CAMLG: variants seen among roughly 807,000 people sequenced by gnomAD.
CAMLG encodes the protein guided entry of tail-anchored proteins factor CAMLG.
Under a neutral mutation model 28.9 loss-of-function variants are expected in CAMLG, and 23 were observed. That is an observed-to-expected ratio of 0.80 (90% CI 0.57 to 1.13). CAMLG has a LOEUF of 1.13. Among genes scored for constraint, CAMLG ranks in the 50% most tolerant of loss-of-function variants. The pLI, the probability that CAMLG is intolerant of heterozygous loss-of-function variation, is 0.00. For missense variants in CAMLG, 367 were observed against 371.9 expected, an observed-to-expected ratio of 0.99 and a Z score of 0.11; for synonymous variants, 141 against 146.5, an observed-to-expected ratio of 0.96 and a Z score of 0.27.
At chr5:134,738,843 A>G in intron 1 of CAMLG, 51 bp downstream of exon 1, 1 of 1,578,250 alleles carries the variant, frequency 6.3e-7, no homozygotes, top group Non-Finnish European at 8.7e-7. Flanking sequence ...TTGAATCTTC[A>G]GGGTCATTCT....
intron 3 of CAMLG, among the ~76,000 whole-genome samples, 193 bp downstream of exon 3, chr5:134,744,245 C>T (rs1203272181): frequency 3.3e-5 from 5 of 152,022 alleles, no homozygotes; most frequent in African/African-American, 4.8e-5. Flanking sequence ...AGTAATTGGC[C>T]GGGCGCAGTG....
intron 2 of CAMLG, 41 bp downstream of exon 2, chr5:134,741,564 A>G: frequency 1.6e-6 from 2 of 1,277,914 alleles, no homozygotes; most frequent in Non-Finnish European, 2.2e-6. Flanking sequence ...CTTAATGGAA[A>G]ATGCAAAATG....
rs780939456 is a variant in CAMLG at position 134,738,553 on chromosome 5, G to T, written c.-68G>T. On this transcript the variant is annotated 5_prime_UTR_variant, in exon 1 of 4. Transcript: ENST00000297156. Reference sequence around the variant, plus strand: ...CGCGCGCCCTGCGGCCCGGCCTCTAGTCATCGCCCTCGCAGCGGCGGCCAA... The same window carrying T: ...CGCGCGCCCTGCGGCCCGGCCTCTATTCATCGCCCTCGCAGCGGCGGCCAA... The T allele has an allele frequency of 3.7e-6, 5 of 1,360,870 alleles. No homozygotes were observed. The East Asian group carries it at 1.2e-4, about 34-fold the overall frequency. 84.3% of individuals were successfully genotyped at this position (1,360,870 alleles called of 1,614,324 possible).
intron 3 of CAMLG, among the ~76,000 whole-genome samples, chr5:134,748,220 C>G (rs1360675975): frequency 6.6e-6 from 1 of 151,988 alleles, no homozygotes; most frequent in Admixed American, 6.6e-5. Flanking sequence ...TGTGAGCCAC[C>G]GCACCTGGCT....
chr5:134,750,822 G>C lies in CAMLG; in HGVS notation c.763G>C (p.Glu255Gln). ...AALLLSGIPA[E>Q]VINRSMDTYS... is the part of the protein sequence containing the mutation. ...ACTTCTATTGTCGGGAATTCCTGCC[G>C]AAGTGATAAATCGATCAATGGATAC... Residue 255 changes from glutamate (E) to glutamine (Q), a missense_variant, in exon 4 of 4, where the codon GAA becomes CAA. Glu to Gln is a conservative substitution (Grantham distance 29, BLOSUM62 2). Coordinates refer to ENST00000297156, the MANE Select transcript of CAMLG (RefSeq NM_001745.4). 1 of 1,613,836 alleles carries C rather than the reference G, an allele frequency of 6.2e-7. No homozygotes were observed.
intron 3 of CAMLG, among the ~76,000 whole-genome samples, chr5:134,744,509 AGAGT>A (rs1372620973): frequency 6.8e-6 from 1 of 147,554 alleles, no homozygotes; most frequent in African/African-American, 2.6e-5. Flanking sequence ...TCTGGGTGAC[AGAGT>A]GAGACTCTGT....
At chr5:134,747,279 G>A (rs1175462464) in intron 3 of CAMLG, among the ~76,000 whole-genome samples, 1 of 151,932 alleles carries the variant, frequency 6.6e-6, no homozygotes, top group Non-Finnish European at 1.5e-5. Context: ...AAAGTATGTT[G>A]TAGGTGTACA....
In CAMLG at chr5:134,750,931, G is replaced by T. The variant is rs771222746; in HGVS notation, c.872G>T (p.Trp291Leu). Residue 291 changes from tryptophan (W) to leucine (L), a missense_variant, in exon 4 of 4, where the codon TGG (tryptophan) becomes TTG (leucine). By Grantham distance (61) the Trp-to-Leu change is moderately conservative (BLOSUM62 -2). Transcript: ENST00000297156. The part of the protein sequence containing the change: ...FIFCHELLDY[W>L]GSEVP ...TTTTGTCATGAACTGCTTGATTATT[G>T]GGGCTCTGAAGTACCATGAAGCCTG... The T allele has an allele frequency of 1.2e-6, 2 of 1,613,282 alleles. No homozygotes were observed. The highest frequency in any genetic ancestry group is 1.3e-5 in the African/African-American group (1 of 74,912).
chr5:134,738,741 G>T lies in CAMLG; in HGVS notation c.121G>T (p.Glu41Ter), dbSNP rs757841175. 22 of 1,614,004 alleles carry T rather than the reference G, an allele frequency of 1.4e-5. No homozygotes were observed. Among genetic ancestry groups the T allele is most frequent in the Non-Finnish European group, 1.6e-5 (19 of 1,180,022 alleles). Residue 41 changes from glutamate to a stop codon, truncating the protein, a stop_gained, in exon 1 of 4, where the codon GAA (glutamate) becomes TAA (stop). Coordinates refer to ENST00000297156, the MANE Select transcript of CAMLG (RefSeq NM_001745.4). LOFTEE classifies it high-confidence loss of function. ...TCGGAGAAAGCTGCTCATGAACTCGGAACAGCGCATCAACCGGATCATGGG... is the reference window on the plus strand; with the variant it reads ...TCGGAGAAAGCTGCTCATGAACTCGTAACAGCGCATCAACCGGATCATGGG... ...LRRRKLLMNS[E>*]QRINRIMGFH...
Position 134,750,782 on chromosome 5 carries a change from A to G in CAMLG, c.723A>G (p.Thr241=), listed in dbSNP as rs748692704. The G allele has an allele frequency of 1.2e-6, 2 of 1,613,224 alleles. No homozygotes were observed. The highest frequency in any genetic ancestry group is 8.5e-7 in the Non-Finnish European group (1 of 1,179,404). Reference sequence around the variant, plus strand: ...AGAGTGAAAAGAAGATAAAGACAACAGTACTAACAGCTGCACTTCTATTGT... The same window carrying G: ...AGAGTGAAAAGAAGATAAAGACAACGGTACTAACAGCTGCACTTCTATTGT... ...FPKSEKKIKT[T]VLTAALLLSG... Residue 241 remains threonine, a synonymous_variant, in exon 4 of 4, where the codon ACA becomes ACG. Transcript: ENST00000297156.
chr5:134,738,877 T>G, intron 1 of CAMLG, 85 bp downstream of exon 1: 4 of 1,280,012 alleles, frequency 3.1e-6, no homozygotes, highest in Non-Finnish European at 4.5e-6. Context: ...TCCACTCCTC[T>G]GACCTTTTTG....
chr5:134,747,120 G>A (rs1357285251), intron 3 of CAMLG, among the ~76,000 whole-genome samples: 1 of 151,946 alleles, frequency 6.6e-6, no homozygotes, highest in African/African-American at 2.4e-5. Context: ...AAAGAATTGT[G>A]CCGTGAACAC....
At chr5:134,742,876 C>T (rs867598559) in intron 2 of CAMLG, among the ~76,000 whole-genome samples, 19 of 152,118 alleles carry the variant, frequency 1.2e-4, no homozygotes, top group Middle Eastern at 6.8e-3. Flanking sequence ...GTAGCTGGGA[C>T]TACAGGCATG....
intron 3 of CAMLG, 131 bp from the exon 4 acceptor site, chr5:134,750,628 G>C: frequency 1.7e-6 from 1 of 598,896 alleles, no homozygotes; most frequent in Non-Finnish European, 2.9e-6. Flanking sequence ...GTATCTTACT[G>C]ATTGTTTTGA....
chr5:134,742,899 C>T (rs957468138), intron 2 of CAMLG, among the ~76,000 whole-genome samples: 5 of 152,044 alleles, frequency 3.3e-5, no homozygotes, highest in Non-Finnish European at 5.9e-5. Context: ...CCAACACGCA[C>T]GGCTAATTTT....
intron 3 of CAMLG, among the ~76,000 whole-genome samples, chr5:134,745,116 G>A (rs997624663): frequency 1.3e-5 from 2 of 152,230 alleles, no homozygotes; most frequent in Non-Finnish European, 2.9e-5. Context: ...AAATAACATT[G>A]TAATTTTAAT....
At position 134,750,964 on chromosome 5, in the gene CAMLG, G is replaced by A. The variant is rs544603911; in HGVS notation, c.*14G>A. Reference sequence around the variant, plus strand: ...GAAGTACCATGAAGCCTGTAGAACTGAGAAGGAGAAGCTTACAAAAAAAAA... The same window carrying A: ...GAAGTACCATGAAGCCTGTAGAACTAAGAAGGAGAAGCTTACAAAAAAAAA... On this transcript the variant is annotated 3_prime_UTR_variant, in exon 4 of 4. Coordinates refer to ENST00000297156, the MANE Select transcript of CAMLG (RefSeq NM_001745.4). 7.0e-6 allele frequency: 11 copies of A among 1,562,268 alleles called. No homozygotes were observed. In the East Asian group the frequency reaches 2.3e-4, roughly 32 times the overall value.
chr5:134,741,953 T>C (rs1752991506), intron 2 of CAMLG, among the ~76,000 whole-genome samples: 1 of 152,114 alleles, frequency 6.6e-6, no homozygotes, highest in Non-Finnish European at 1.5e-5. Context: ...CTCAAAAATA[T>C]ATGTATGTGT....
intron 3 of CAMLG, among the ~76,000 whole-genome samples, 200 bp downstream of exon 3, chr5:134,744,252 A>C (rs1255925552): frequency 6.6e-6 from 1 of 152,158 alleles, no homozygotes; most frequent in East Asian, 1.9e-4. Context: ...GGCCGGGCGC[A>C]GTGGCTCACG....
Sources: gnomAD v4.1 joint callset for allele counts (sites outside exome capture counted in the v4.1 genomes callset) on GRCh38, gnomAD v4.1.1 for gene constraint, MANE v1.5 for transcripts, NCBI Gene and HGNC (gene_info 2026-07-23, HGNC 2026-07-21) for gene names.